The following SLC28A1 variants were observed in gnomAD, a reference collection of about 807,000 sequenced individuals.
SLC28A1 encodes solute carrier family 28 member 1.
Under a neutral mutation model 74.8 loss-of-function variants are expected in SLC28A1, and 64 were observed. The observed-to-expected ratio is 0.86, with a 90% CI of 0.70 to 1.05. The LOEUF (loss-of-function observed/expected upper bound fraction) is 1.05, where lower values mean the gene tolerates loss of function less well. Among genes scored for constraint, SLC28A1 ranks in the 50% least tolerant of loss-of-function variants. The pLI is 0.00. For synonymous variants in SLC28A1, 359 were observed against 335.0 expected (o/e 1.07, Z -0.78); for missense variants, 828 against 822.8 (o/e 1.01, Z -0.08).
chr15:84,942,961 G>T (rs1486561814), intron 15 of SLC28A1, among the ~76,000 whole-genome samples: 1 of 152,160 alleles, frequency 6.6e-6, no homozygotes, highest in African/African-American at 2.4e-5. Context: ...GAGGTGGGCA[G>T]ATCATCTAAG....
intron 7 of SLC28A1, 60 bp from the exon 8 acceptor site, chr15:84,905,479 C>T (rs1473178252): frequency 7.4e-6 from 9 of 1,211,962 alleles, no homozygotes; most frequent in South Asian, 2.4e-5. Context: ...TCACCCCCAC[C>T]CGGCTCCCTG....
At chr15:84,973,755 G>T in the SLC28A1 span, among the ~76,000 whole-genome samples, 1 of 152,206 alleles carries the variant, frequency 6.6e-6, no homozygotes, top group African/African-American at 2.4e-5. Flanking sequence ...TGAGCTCCGT[G>T]AAGTCAGGGG....
the SLC28A1 span, among the ~76,000 whole-genome samples, chr15:84,962,050 AAT>A: frequency 1.3e-5 from 2 of 151,968 alleles, no homozygotes; most frequent in African/African-American, 4.8e-5. Context: ...CTTTTGCAAT[AAT>A]CTTGACCTAA....
intron 9 of SLC28A1, among the ~76,000 whole-genome samples, chr15:84,909,532 G>T (rs1967822198): frequency 6.6e-6 from 1 of 152,172 alleles, no homozygotes. Context: ...GCTACTGGTG[G>T]GACTGCTTCA....
At chr15:84,931,208 C>T (rs7168054) in intron 12 of SLC28A1, among the ~76,000 whole-genome samples, 68,848 of 151,898 alleles carry the variant, frequency 0.45, 16,445 homozygotes, top group Middle Eastern at 0.64. Context: ...GCCTGGCCTG[C>T]CCTCTGCTTT....
chr15:84,898,544 A>G (rs2141715006), intron 6 of SLC28A1, among the ~76,000 whole-genome samples: 1 of 148,544 alleles, frequency 6.7e-6, no homozygotes, highest in African/African-American at 2.5e-5. Context: ...TCGCCACTGC[A>G]CTCCAGCCTG....
At chr15:84,903,999 C>G in intron 6 of SLC28A1, 98 bp from the exon 7 acceptor site, 2 of 1,525,412 alleles carry the variant, frequency 1.3e-6, no homozygotes, top group Non-Finnish European at 1.8e-6. Context: ...CTCCTCCCAG[C>G]CCTGAGCACC....
intron 5 of SLC28A1, 96 bp downstream of exon 5, chr15:84,890,630 C>A: frequency 7.7e-6 from 8 of 1,032,568 alleles, no homozygotes; most frequent in Non-Finnish European, 1.2e-5. Flanking sequence ...AGTCATTCAA[C>A]AAATGGTTGT....
chr15:84,935,944 GGTTTTTGTTTTTT>G (rs1297254908), intron 15 of SLC28A1, among the ~76,000 whole-genome samples: 28 of 90,110 alleles, frequency 3.1e-4, no homozygotes, highest in African/African-American at 9.9e-4. Context: ...GTTTTGGTTT[GGTTTTTGTTTTTT>G]TTTTTTTTTT....
At chr15:84,897,661 T>C (rs1246602065) in intron 6 of SLC28A1, among the ~76,000 whole-genome samples, 1 of 152,210 alleles carries the variant, frequency 6.6e-6, no homozygotes, top group African/African-American at 2.4e-5. Flanking sequence ...CTCCTAGCTA[T>C]TTTGAAATAT....
the SLC28A1 span, among the ~76,000 whole-genome samples, chr15:84,965,681 C>T: frequency 6.6e-6 from 1 of 152,160 alleles, no homozygotes; most frequent in East Asian, 1.9e-4. Context: ...ACCAACTTGT[C>T]CTGGTTTGCC....
chr15:84,966,939 GT>G, the SLC28A1 span, among the ~76,000 whole-genome samples: 2 of 151,668 alleles, frequency 1.3e-5, no homozygotes, highest in African/African-American at 4.9e-5. Context: ...GCCCAGCTAA[GT>G]TTTTTATTTT....
intron 6 of SLC28A1, among the ~76,000 whole-genome samples, chr15:84,896,583 G>A (rs944730194): frequency 1.3e-5 from 2 of 152,164 alleles, no homozygotes; most frequent in Admixed American, 1.3e-4. Context: ...GGAGGCCGAG[G>A]TGGGTGGATC....
chr15:84,910,453 G>A (rs1006135955), intron 9 of SLC28A1, among the ~76,000 whole-genome samples: 4 of 152,222 alleles, frequency 2.6e-5, no homozygotes, highest in African/African-American at 4.8e-5. Flanking sequence ...ACTCAGCTGG[G>A]CGCGGTGGCT....
At chr15:84,969,530 C>CT in the SLC28A1 span, among the ~76,000 whole-genome samples, 1 of 29,180 alleles carries the variant, frequency 3.4e-5, no homozygotes, top group Admixed American at 2.2e-4. Flanking sequence ...GAGCACCCTG[C>CT]CCCCCGACTC....
chr15:84,904,383 C>A, intron 7 of SLC28A1, 145 bp downstream of exon 7: 1 of 1,196,730 alleles, frequency 8.4e-7, no homozygotes, highest in Non-Finnish European at 1.2e-6. Flanking sequence ...CTGTGTGTAT[C>A]AGGATAGGCT....
the SLC28A1 span, among the ~76,000 whole-genome samples, chr15:84,957,103 T>C: frequency 1.3e-5 from 2 of 152,206 alleles, no homozygotes; most frequent in Non-Finnish European, 2.9e-5. Context: ...TTTATTGACA[T>C]ATAATGATAT....
intron 5 of SLC28A1, among the ~76,000 whole-genome samples, chr15:84,891,077 G>C (rs1965319127): frequency 6.6e-6 from 1 of 152,186 alleles, no homozygotes; most frequent in South Asian, 2.1e-4. Flanking sequence ...AGGGATATGG[G>C]AGGATGCTCA....
intron 12 of SLC28A1, among the ~76,000 whole-genome samples, chr15:84,930,925 A>C (rs780204687): frequency 5.9e-5 from 9 of 151,952 alleles, no homozygotes; most frequent in South Asian, 2.1e-4. Context: ...ACACACCACC[A>C]CACCCGGATA....
Sources: allele counts gnomAD v4.1 joint callset (sites outside exome capture counted in the v4.1 genomes callset), GRCh38; gene constraint gnomAD v4.1.1; transcripts MANE v1.5; gene names NCBI Gene and HGNC (gene_info 2026-07-23, HGNC 2026-07-21).